MAPK4: variants seen among roughly 807,000 people sequenced by gnomAD.
MAPK4 encodes the protein Erk3-related.
A neutral mutation model predicts 47.7 loss-of-function variants in MAPK4; 22 were observed. That is an observed-to-expected ratio of 0.46 (90% confidence interval 0.33 to 0.66). The LOEUF (loss-of-function observed/expected upper bound fraction) is 0.66. MAPK4 is among the 30% of genes least tolerant of loss of function. The pLI is 0.02. For synonymous variants in MAPK4, 390 were observed against 365.7 expected (o/e 1.07, Z -0.76); for missense variants, 736 against 831.7 (o/e 0.88, Z 1.42).
intron 2 of MAPK4, among the ~76,000 whole-genome samples, chr18:50,668,833 T>G (rs1907762923): frequency 6.6e-6 from 1 of 152,180 alleles, no homozygotes; most frequent in Non-Finnish European, 1.5e-5. Flanking sequence ...ACACAATGAG[T>G]GGCTGAGCCT....
At chr18:50,728,513 A>G (rs145498754) in intron 5 of MAPK4, among the ~76,000 whole-genome samples, 123 of 152,326 alleles carry the variant, frequency 8.1e-4, no homozygotes, top group African/African-American at 2.8e-3. Context: ...GGGGATCTTC[A>G]AAACATGCTT....
At chr18:50,696,552 G>T (rs1254170059) in intron 2 of MAPK4, among the ~76,000 whole-genome samples, 1 of 152,196 alleles carries the variant, frequency 6.6e-6, no homozygotes, top group Non-Finnish European at 1.5e-5. Context: ...AGCAGAACCT[G>T]CAGGTCTGAG....
At chr18:50,654,317 T>C (rs1054976578) in intron 1 of MAPK4, among the ~76,000 whole-genome samples, 1 of 152,194 alleles carries the variant, frequency 6.6e-6, no homozygotes, top group African/African-American at 2.4e-5. Flanking sequence ...TATCTCCCAA[T>C]TCAGGGAAGG....
intron 2 of MAPK4, among the ~76,000 whole-genome samples, chr18:50,685,452 C>T (rs1488108834): frequency 6.6e-6 from 1 of 152,248 alleles, no homozygotes; most frequent in Non-Finnish European, 1.5e-5. Context: ...AACTTTCCTT[C>T]ATCCAGCGGG....
chr18:50,715,395 C>T (rs1339020670), intron 3 of MAPK4, among the ~76,000 whole-genome samples, 172 bp downstream of exon 3: 1 of 152,148 alleles, frequency 6.6e-6, no homozygotes, highest in African/African-American at 2.4e-5. Flanking sequence ...GGCAAAAATA[C>T]TGGAGAGGCT....
At chr18:50,679,147 G>A (rs1568077375) in intron 2 of MAPK4, among the ~76,000 whole-genome samples, 1 of 152,186 alleles carries the variant, frequency 6.6e-6, no homozygotes, top group Non-Finnish European at 1.5e-5. Context: ...AGAATGGCCT[G>A]CGTGGCCTGG....
intron 1 of MAPK4, among the ~76,000 whole-genome samples, chr18:50,581,950 A>T (rs1366782120): frequency 6.6e-6 from 1 of 152,142 alleles, no homozygotes; most frequent in Non-Finnish European, 1.5e-5. Context: ...GACTTCTGCT[A>T]TTTCTAGAAT....
rs375194291 is a variant in MAPK4 at position 50,618,027 on chromosome 18, TC to T, written c.-870-45061del. Among the ~76,000 whole-genome samples the T allele has an allele frequency of 1.7e-4, 26 of 152,344 alleles. No homozygotes were observed. The East Asian group carries it at 4.1e-3, about 24-fold the overall frequency. On this transcript the variant is annotated intron_variant, in intron 1 of 5. Transcript: ENST00000400384. ...GCTCCAACTTATTTGAAAACTTTCT[TC>T]TTTTGCCCTAAAACTGGTTTTCTAA...
At chr18:50,650,229 C>T (rs1397008241) in intron 1 of MAPK4, among the ~76,000 whole-genome samples, 1 of 152,222 alleles carries the variant, frequency 6.6e-6, no homozygotes, top group Non-Finnish European at 1.5e-5. Flanking sequence ...GAGTGCTAAT[C>T]ACGGCAAAGC....
At chr18:50,674,758 A>T (rs1908163609) in intron 2 of MAPK4, among the ~76,000 whole-genome samples, 1 of 152,232 alleles carries the variant, frequency 6.6e-6, no homozygotes, top group African/African-American at 2.4e-5. Context: ...GCCTCTTCCC[A>T]GACAGACCTG....
At chr18:50,698,377 T>A (rs1341171113) in intron 2 of MAPK4, among the ~76,000 whole-genome samples, 2 of 152,212 alleles carry the variant, frequency 1.3e-5, no homozygotes, top group African/African-American at 4.8e-5. Flanking sequence ...CATATCTAAG[T>A]ATATAAAATA....
At chr18:50,701,953 G>A (rs1909808906) in intron 2 of MAPK4, among the ~76,000 whole-genome samples, 1 of 151,982 alleles carries the variant, frequency 6.6e-6, no homozygotes. Context: ...TTGAGCTCAG[G>A]AGTTTGAGAC....
chr18:50,720,413 G>A (rs1488869677), intron 3 of MAPK4, among the ~76,000 whole-genome samples: 2 of 152,030 alleles, frequency 1.3e-5, no homozygotes, highest in Non-Finnish European at 2.9e-5. Context: ...CAAGGGGTGG[G>A]GGAGCTAGGT....
chr18:50,716,023 C>CA (rs1486372645), intron 3 of MAPK4, among the ~76,000 whole-genome samples: 1 of 152,208 alleles, frequency 6.6e-6, no homozygotes, highest in Non-Finnish European at 1.5e-5. Context: ...AGTGAACCTT[C>CA]AAAACCCAGC....
chr18:50,729,600 C>T lies in MAPK4; in HGVS notation c.1510C>T (p.Pro504Ser). ...GTGGGTCAAGAGCACGCAGGGCGGC[C>T]CAGAGCACGCCAGCCCGCCCGCCGA... ...AQWVKSTQGG[P>S]EHASPPADDP... Residue 504 changes from proline to serine, a missense_variant, in exon 6 of 6, where the codon CCA becomes TCA. By Grantham distance (74) the Pro-to-Ser change is moderately conservative. Around this residue, in one of 3 missense-constraint regions of MAPK4, gnomAD observed 377 missense variants for 378.6 expected, o/e 1.00. Coordinates refer to ENST00000400384, the MANE Select transcript of MAPK4 (RefSeq NM_002747.4). 7.3e-7 allele frequency: 1 copy of T among 1,378,516 alleles called. No homozygotes were observed. Among genetic ancestry groups the T allele is most frequent in the Non-Finnish European group, 9.4e-7 (1 of 1,069,010 alleles). 85.4% of individuals were successfully genotyped at this position (1,378,516 alleles called of 1,614,324 possible).
intron 1 of MAPK4, among the ~76,000 whole-genome samples, chr18:50,644,588 T>C (rs116642484): frequency 0.019 from 2,894 of 152,294 alleles, 83 homozygotes; most frequent in African/African-American, 0.066. Context: ...TCATTTTTAA[T>C]GTGCTGAAAG....
chr18:50,700,159 T>C (rs972157748), intron 2 of MAPK4, among the ~76,000 whole-genome samples: 1 of 152,092 alleles, frequency 6.6e-6, no homozygotes, highest in African/African-American at 2.4e-5. Context: ...GTCATCCCCA[T>C]CCTGAAGCCA....
rs1477978946 is a variant in MAPK4 at position 50,664,607 on chromosome 18, G to C, written c.546+103G>C. 1.7e-5 allele frequency: 23 copies of C among 1,319,972 alleles called. No individual in the cohort carries two copies. Among genetic ancestry groups the C allele is most frequent in the South Asian group, 7.2e-5 (5 of 69,834 alleles). 81.8% of individuals were successfully genotyped at this position (1,319,972 alleles called of 1,614,324 possible). A position where few individuals can be genotyped will look rare whatever the true frequency, so the allele number is the denominator to read the frequency against. ...TAGCTCCATGGTAGTCAGAGGACTA[G>C]AGTTAGTAATTAGGGGAGGCTGGAG... On this transcript the variant is annotated intron_variant, in intron 2 of 5. Coordinates refer to ENST00000400384, the MANE Select transcript of MAPK4 (RefSeq NM_002747.4). The surrounding 1 kb of genome is among the most constrained non-coding windows in gnomAD (Gnocchi z 6.0).
chr18:50,656,769 G>A lies in MAPK4; in HGVS notation c.-870-6320G>A, dbSNP rs1158998764. Among the ~76,000 whole-genome samples the A allele has an allele frequency of 2.6e-5, 4 of 152,072 alleles. No homozygotes were observed. The East Asian group carries it at 7.7e-4, about 29-fold the overall frequency. ...CTGCATTGTTTCCATAATTATTGTT[G>A]TAGTTCCACTCCCCCAATATGAATA... is the stretch of plus-strand genomic sequence containing the variant. On this transcript the variant is annotated intron_variant, in intron 1 of 5. Coordinates refer to ENST00000400384, the MANE Select transcript of MAPK4 (RefSeq NM_002747.4).
Sources: gnomAD v4.1 joint callset for allele counts (sites outside exome capture counted in the v4.1 genomes callset) on GRCh38, gnomAD v4.1.1 for gene constraint, gnomAD v4.1.1 regional missense constraint, Gnocchi (gnomAD v3.1) non-coding constraint, MANE v1.5 for transcripts, NCBI Gene and HGNC (gene_info 2026-07-23, HGNC 2026-07-21) for gene names.